PSME3: variants seen among roughly 807,000 people sequenced by gnomAD.
PSME3 encodes proteasome activator complex subunit 3.
A neutral mutation model predicts 38.3 loss-of-function variants in PSME3; 7 were observed. That is an observed-to-expected ratio of 0.18 (90% CI 0.10 to 0.34). The LOEUF (loss-of-function observed/expected upper bound fraction) is 0.34. Ranked by LOEUF, PSME3 falls within the 10% of genes least tolerant of loss-of-function variation. The pLI is 1.00. For missense variants in PSME3, 192 were observed against 307.6 expected, an observed-to-expected ratio of 0.62 and a Z score of 2.81; for synonymous variants, 108 against 105.7, an observed-to-expected ratio of 1.02 and a Z score of -0.13.
intron 1 of PSME3, 97 bp from the exon 2 acceptor site, chr17:42,834,247 C>T: frequency 6.3e-7 from 1 of 1,599,060 alleles, no homozygotes; most frequent in Non-Finnish European, 8.5e-7. Flanking sequence ...CTTCTTATTA[C>T]AGTTACAAGG....
At chr17:42,839,076 T>C in intron 8 of PSME3, 36 bp from the exon 9 acceptor site, 2 of 1,591,460 alleles carry the variant, frequency 1.3e-6, no homozygotes, top group Non-Finnish European at 1.7e-6. Flanking sequence ...CCATCAAGGG[T>C]CTCCTGCATC....
Position 42,834,888 on chromosome 17 carries a change from A to G in PSME3, c.243+12A>G, listed in dbSNP as rs1328815495. The G allele has an allele frequency of 3.2e-5, 52 of 1,612,928 alleles. No individual in the cohort carries two copies. Among genetic ancestry groups the G allele is most frequent in the Non-Finnish European group, 4.2e-5 (49 of 1,179,620 alleles). On this transcript the variant is annotated intron_variant, in intron 4 of 10. Transcript: ENST00000590720. ...ATGGACTGGATGGTGTAAGTGTCCT[A>G]TATTTATCTTTGTGTTCTTGAGCAG...
chr17:42,833,628 G>T lies in PSME3; in HGVS notation c.-4G>T, dbSNP rs2144237736. The T allele has an allele frequency of 6.2e-7, 1 of 1,614,210 alleles. No homozygotes were observed. Among genetic ancestry groups the T allele is most frequent in the African/African-American group, 1.3e-5 (1 of 75,066 alleles). ...CAGAGGATCGGACACGGCCCGGCCC[G>T]GCCATGGCCTCGTTGCTGAAGGTGG... On this transcript the variant is annotated 5_prime_UTR_variant, in exon 1 of 11. Coordinates refer to ENST00000590720, the MANE Select transcript of PSME3 (RefSeq NM_005789.4).
intron 10 of PSME3, among the ~76,000 whole-genome samples, chr17:42,840,991 G>C (rs1007335998): frequency 2.6e-5 from 4 of 151,958 alleles, no homozygotes; most frequent in Non-Finnish European, 5.9e-5. Flanking sequence ...AAATTAGCCG[G>C]GTGTGGTGGC....
At chr17:42,840,189 G>A (rs999788972) in intron 10 of PSME3, among the ~76,000 whole-genome samples, 28 of 140,732 alleles carry the variant, frequency 2.0e-4, no homozygotes, top group African/African-American at 6.9e-4. Flanking sequence ...AGGCTGAGGC[G>A]GGAGAATTGC....
intron 4 of PSME3, among the ~76,000 whole-genome samples, chr17:42,836,280 C>T (rs1029800966): frequency 3.3e-4 from 50 of 152,128 alleles, no homozygotes; most frequent in African/African-American, 4.8e-5. Context: ...GCTGGGATTA[C>T]AGCCATGAGC....
In PSME3 at chr17:42,843,564, A is replaced by T. The variant is rs111722913; in HGVS notation, c.*1986A>T. ...CCATGAACTGCCAGTAGAGGCTGCT[A>T]TCGTTCCATGTGTAAGGAATGAACT... On this transcript the variant is annotated 3_prime_UTR_variant, in exon 11 of 11. Transcript: ENST00000590720. 6.6e-6 allele frequency: 1 copy of T among 152,336 alleles called. No individual in the cohort carries two copies. The highest frequency in any genetic ancestry group is 1.5e-5 in the Non-Finnish European group (1 of 68,040). The allele number at this position is 152,336 out of a possible 1,614,324, so 9.4% of individuals were successfully genotyped here.
At chr17:42,834,308 C>A (rs1374465727) in intron 1 of PSME3, 36 bp from the exon 2 acceptor site, 3 of 1,613,898 alleles carry the variant, frequency 1.9e-6, no homozygotes, top group Non-Finnish European at 2.5e-6. Flanking sequence ...TTACCTCTGT[C>A]CCCAGGTACT....
intron 6 of PSME3, 31 bp from the exon 7 acceptor site, chr17:42,838,700 C>T (rs1228406001): frequency 1.2e-6 from 2 of 1,603,090 alleles, no homozygotes; most frequent in African/African-American, 2.7e-5. Flanking sequence ...AGCCTTCAGG[C>T]AAAGGTCCTC....
In PSME3 at chr17:42,839,148, A is replaced by G. The variant is rs1198683296; in HGVS notation, c.579A>G (p.Ile193Met). The G allele has an allele frequency of 6.3e-7, 1 of 1,586,578 alleles. No individual in the cohort carries two copies. The highest frequency in any genetic ancestry group is 1.7e-5 in the Admixed American group (1 of 59,960). The change falls in exon 9 of 11, where the codon ATA becomes ATG. Residue 193 changes from isoleucine (I) to methionine (M), a missense_variant. By Grantham distance (10) the Ile-to-Met change is conservative. Transcript: ENST00000590720. Reference protein sequence around the residue: ...YITRAKLVSKIAKYPHVEDYR... With the variant: ...YITRAKLVSKMAKYPHVEDYR... ...CAAGAGCCAAATTGGTTTCTAAAATAGCTAAATATCCCCATGTGGTAAGTA... is the reference window on the plus strand; with the variant it reads ...CAAGAGCCAAATTGGTTTCTAAAATGGCTAAATATCCCCATGTGGTAAGTA...
intron 9 of PSME3, 42 bp from the exon 10 acceptor site, chr17:42,839,252 T>C (rs746509532): frequency 7.0e-6 from 11 of 1,581,328 alleles, no homozygotes; most frequent in Middle Eastern, 1.7e-4. Flanking sequence ...CTGGAAACAA[T>C]TGGGCTTTGG....
rs115525472 is a variant in PSME3 at position 42,833,775 on chromosome 17, G to A, written c.42+102G>A. 3 of 1,608,118 alleles carry A rather than the reference G, an allele frequency of 1.9e-6. 1 individual carries two copies. Among genetic ancestry groups the A allele is most frequent in the East Asian group, 2.2e-5 (1 of 44,762 alleles). On this transcript the variant is annotated intron_variant, in intron 1 of 10. Coordinates refer to ENST00000590720, the MANE Select transcript of PSME3 (RefSeq NM_005789.4). ...CGTCTTTGTCTCCCTGGGGATACCA[G>A]CTCTGAGCTTCCGCTCGGCTCAGCC...
In PSME3 at chr17:42,839,169, A is replaced by G; in HGVS notation, c.597+3A>G. 1 of 1,577,750 alleles carries G rather than the reference A, an allele frequency of 6.3e-7. No individual in the cohort carries two copies. Among genetic ancestry groups the G allele is most frequent in the Non-Finnish European group, 8.7e-7 (1 of 1,146,942 alleles). ...AAATAGCTAAATATCCCCATGTGGT[A>G]AGTAAGGGGTTTGTGGCCTGAGGGT... On this transcript the variant is annotated splice_donor_region_variant and intron_variant, in intron 9 of 10. Transcript: ENST00000590720.
intron 4 of PSME3, among the ~76,000 whole-genome samples, chr17:42,835,659 A>G (rs1279168234): frequency 6.6e-6 from 1 of 151,528 alleles, no homozygotes; most frequent in East Asian, 2.0e-4. Context: ...CAGGAGGCGG[A>G]GCTTGCAGTG....
At chr17:42,835,165 G>A (rs971967117) in intron 4 of PSME3, among the ~76,000 whole-genome samples, 7 of 151,972 alleles carry the variant, frequency 4.6e-5, no homozygotes, top group Non-Finnish European at 1.0e-4. Context: ...AGCCTCGCAG[G>A]TAGCTGGGAC....
In PSME3 at chr17:42,833,419, A is replaced by G; in HGVS notation, c.-213A>G. ...GACGCAGTTTCCGGCGTGAGCGGCG[A>G]AAGCCGGGAGGGCGAGCGAGAGAGC... On this transcript the variant is annotated 5_prime_UTR_variant, in exon 1 of 11. Coordinates refer to ENST00000590720, the MANE Select transcript of PSME3 (RefSeq NM_005789.4). 1 of 610,706 alleles carries G rather than the reference A, an allele frequency of 1.6e-6. No homozygotes were observed. The highest frequency in any genetic ancestry group is 4.4e-4 in the Middle Eastern group (1 of 2,274). 37.8% of individuals were successfully genotyped at this position (610,706 alleles called of 1,614,324 possible).
intron 4 of PSME3, among the ~76,000 whole-genome samples, chr17:42,835,187 A>G (rs1249235188): frequency 5.9e-5 from 9 of 151,744 alleles, no homozygotes; most frequent in Non-Finnish European, 1.3e-4. Context: ...ACAGGAGTCC[A>G]CCACCATGCC....
intron 1 of PSME3, chr17:42,833,948 C>G: frequency 6.9e-7 from 1 of 1,439,758 alleles, no homozygotes; most frequent in South Asian, 1.5e-5. Context: ...TGGTAATCCC[C>G]CAGCCCAACA....
intron 9 of PSME3, 41 bp downstream of exon 9, chr17:42,839,207 A>T (rs1411849298): frequency 3.8e-6 from 6 of 1,562,626 alleles, no homozygotes; most frequent in Non-Finnish European, 5.3e-6. Flanking sequence ...AGGTGGCAGG[A>T]TAGTGAAGAG....
Sources: allele counts gnomAD v4.1 joint callset (sites outside exome capture counted in the v4.1 genomes callset), GRCh38; gene constraint gnomAD v4.1.1; transcripts MANE v1.5; gene names NCBI Gene and HGNC (gene_info 2026-07-23, HGNC 2026-07-21).